Variants in MRPL38 observed in about 807,000 individuals in gnomAD.
MRPL38 encodes mitochondrial ribosomal protein L38.
In MRPL38, 51 loss-of-function variants were observed where a neutral mutation model predicts 52.1. That is an observed-to-expected ratio of 0.98 (90% CI 0.78 to 1.24). The LOEUF is 1.24. Ranked by LOEUF, MRPL38 falls within the 50% of genes most tolerant of loss-of-function variation. The pLI is 0.00. For missense variants in MRPL38, 527 were observed against 518.6 expected, an observed-to-expected ratio of 1.02 and a Z score of -0.16; for synonymous variants, 245 against 212.7, an observed-to-expected ratio of 1.15 and a Z score of -1.32.
At position 75,904,563 on chromosome 17, in the gene MRPL38, C is replaced by A; in HGVS notation, c.224G>T (p.Arg75Leu). 2 of 1,571,462 alleles carry A rather than the reference C, an allele frequency of 1.3e-6. No homozygotes were observed. The highest frequency in any genetic ancestry group is 1.4e-5 in the African/African-American group (1 of 73,296). ...AQAPHWWRTYREYFGEKTDPK... is the reference protein window; with the variant it reads ...AQAPHWWRTYLEYFGEKTDPK... ...ACCTGTCTTCTCCCCGAAATACTCT[C>A]GGTAGGTCCGCCACCAGTGCGGGGC... Residue 75 changes from arginine (R) to leucine (L), a missense_variant, in exon 2 of 9, where the codon CGA (arginine) becomes CTA (leucine). Coordinates refer to ENST00000309352, the MANE Select transcript of MRPL38 (RefSeq NM_032478.4).
In MRPL38 at chr17:75,898,913, C is replaced by T; in HGVS notation, c.1080G>A (p.Arg360=). The part of the protein sequence containing the change: ...YHPKQKRFPH[R]QPLRYLDRYR... ...ACCGGTCCAGGTAGCGCAGGGGCTG[C>T]CGGTGGGGGAAGCGCTTCTGCTTGG... Residue 360 remains arginine (R), a synonymous_variant, in exon 9 of 9, where the codon CGG becomes CGA. Coordinates refer to ENST00000309352, the MANE Select transcript of MRPL38 (RefSeq NM_032478.4). 1.2e-5 allele frequency: 19 copies of T among 1,610,984 alleles called. No individual in the cohort carries two copies. The highest frequency in any genetic ancestry group is 1.5e-5 in the Non-Finnish European group (18 of 1,179,220).
At chr17:75,904,451 G>GC (rs1184815491) in intron 2 of MRPL38, 89 bp downstream of exon 2, 10 of 1,372,904 alleles carry the variant, frequency 7.3e-6, no homozygotes, top group Non-Finnish European at 4.9e-6. Context: ...AAGGGCGCCG[G>GC]CAAGGCTCGC....
intron 6 of MRPL38, 127 bp from the exon 7 acceptor site, chr17:75,899,801 G>A (rs1234716338): frequency 3.7e-6 from 3 of 802,028 alleles, no homozygotes; most frequent in Non-Finnish European, 5.2e-6. Flanking sequence ...TCTCTCTCCT[G>A]GGACAGAGGA....
At chr17:75,899,036 C>A in intron 8 of MRPL38, 50 bp from the exon 9 acceptor site, 1 of 1,544,054 alleles carries the variant, frequency 6.5e-7, no homozygotes. Flanking sequence ...TGCGCCCCCT[C>A]AGGCTGAGGC....
chr17:75,899,097 GCA>G (rs1220240709), intron 8 of MRPL38, 59 bp downstream of exon 8: 73 of 1,550,062 alleles, frequency 4.7e-5, no homozygotes, highest in Non-Finnish European at 6.2e-5. Flanking sequence ...CTTCTCCCTG[GCA>G]GGGCAGGCGA....
chr17:75,900,047 T>C (rs1329874886), intron 6 of MRPL38: 3 of 162,270 alleles, frequency 1.8e-5, no homozygotes, highest in Non-Finnish European at 2.7e-5. Flanking sequence ...TCAGGGAGTG[T>C]GTGCCCAGCC....
rs1162659182 is a variant in MRPL38 at position 75,901,157 on chromosome 17, G to A, written c.664+44C>T. On this transcript the variant is annotated intron_variant, in intron 5 of 8. Coordinates refer to ENST00000309352, the MANE Select transcript of MRPL38 (RefSeq NM_032478.4). The surrounding 1 kb of genome is among the most constrained non-coding windows in gnomAD (Gnocchi z 5.7). ...CAGCCCCCCAGGGCCCTGGCTCATA[G>A]GAGGTGAGCGGGGCAGGAGGCCTGG... 6.2e-5 allele frequency: 99 copies of A among 1,608,904 alleles called. No homozygotes were observed. The highest frequency in any genetic ancestry group is 8.0e-5 in the Non-Finnish European group (94 of 1,177,494).
rs1028669561 is a variant in MRPL38, at chr17:75,902,365, A to G, written c.248-211T>C. 17 of 593,088 alleles carry G rather than the reference A, an allele frequency of 2.9e-5. No individual in the cohort carries two copies. The East Asian group carries it at 4.6e-4, about 16-fold the overall frequency. 36.7% of individuals were successfully genotyped at this position (593,088 alleles called of 1,614,324 possible). A position where few individuals can be genotyped will look rare whatever the true frequency, so the allele number is the denominator to read the frequency against. ...TGATCTGCCTGCCTCAGCCTCCCACAGTGTTGGGATTACAGTAGTGTGAGC... is the reference window on the plus strand; with the variant it reads ...TGATCTGCCTGCCTCAGCCTCCCACGGTGTTGGGATTACAGTAGTGTGAGC... On this transcript the variant is annotated intron_variant, in intron 2 of 8. Coordinates refer to ENST00000309352, the MANE Select transcript of MRPL38 (RefSeq NM_032478.4).
At chr17:75,900,556 T>TA (rs954247853) in intron 6 of MRPL38, 2 of 168,230 alleles carry the variant, frequency 1.2e-5, no homozygotes, top group African/African-American at 2.4e-5. Context: ...CCTGTCTCTA[T>TA]AAAAAAATAC....
chr17:75,898,688 T>G lies in MRPL38; in HGVS notation c.*162A>C. On this transcript the variant is annotated 3_prime_UTR_variant, in exon 9 of 9. Transcript: ENST00000309352. ...TATTCACATTCCCCACCCCACCACC[T>G]GAGAGTCACTTTCACTCCAAGCCCT... 3 of 757,624 alleles carry G rather than the reference T, an allele frequency of 4.0e-6. No homozygotes were observed. Among genetic ancestry groups the G allele is most frequent in the South Asian group, 1.8e-5 (1 of 54,940 alleles). 46.9% of individuals were successfully genotyped at this position (757,624 alleles called of 1,614,324 possible). A position where few individuals can be genotyped will look rare whatever the true frequency, so the allele number is the denominator to read the frequency against.
At chr17:75,900,794 G>A in intron 6 of MRPL38, 188 bp downstream of exon 6, 1 of 1,393,866 alleles carries the variant, frequency 7.2e-7, no homozygotes, top group Non-Finnish European at 9.3e-7. Context: ...TGCAAACTTT[G>A]TCTCCTGTAG....
Position 75,898,999 on chromosome 17 carries a change from T to G in MRPL38, c.1007-13A>C, listed in dbSNP as rs2065391215. The G allele has an allele frequency of 6.3e-7, 1 of 1,586,440 alleles. No homozygotes were observed. The highest frequency in any genetic ancestry group is 2.3e-5 in the East Asian group (1 of 44,316). ...GGCTCCCGCATGTCTGCAAGAAGAG[T>G]GAGGGGTACGGGGTGGTCTGCTGGC... is the stretch of plus-strand genomic sequence containing the variant. On this transcript the variant is annotated splice_polypyrimidine_tract_variant and intron_variant, in intron 8 of 8. Coordinates refer to ENST00000309352, the MANE Select transcript of MRPL38 (RefSeq NM_032478.4).
intron 2 of MRPL38, chr17:75,904,176 T>C: frequency 2.0e-6 from 1 of 490,670 alleles, no homozygotes; most frequent in Non-Finnish European, 4.1e-6. Context: ...GCTTACAATC[T>C]GGGGAGAGGC....
chr17:75,903,787 G>A (rs1412946154), intron 2 of MRPL38, among the ~76,000 whole-genome samples: 2 of 151,278 alleles, frequency 1.3e-5, no homozygotes, highest in Non-Finnish European at 2.9e-5. Flanking sequence ...GTGCAATGGC[G>A]CGATCTCGGC....
chr17:75,899,860 G>C (rs528812451), intron 6 of MRPL38, 186 bp from the exon 7 acceptor site: 25 of 427,010 alleles, frequency 5.9e-5, no homozygotes, highest in African/African-American at 4.3e-4. Flanking sequence ...TACGGGAAGC[G>C]GGCTGGAGGA....
At chr17:75,899,959 G>A (rs1189167104) in intron 6 of MRPL38, 5 of 253,342 alleles carry the variant, frequency 2.0e-5, no homozygotes, top group East Asian at 1.5e-4. Flanking sequence ...CGGTGGGTCC[G>A]CCACAGTCAC....
Position 75,901,715 on chromosome 17 carries a change from G to T in MRPL38, c.588C>A (p.Thr196=), listed in dbSNP as rs778507758. The T allele has an allele frequency of 1.2e-6, 2 of 1,613,688 alleles. No homozygotes were observed. Among genetic ancestry groups the T allele is most frequent in the South Asian group, 1.1e-5 (1 of 91,054 alleles). The change falls in exon 4 of 9, where the codon ACC becomes ACA. Residue 196 remains threonine (T), a synonymous_variant. Transcript: ENST00000309352. This position sits in a 1 kb window ranked among gnomAD's most constrained non-coding sequence, Gnocchi z 5.7. ...PVYCGNEVTP[T]EAAQAPEVTY... is the part of the protein sequence containing the mutation. ...AGGGGCACAAGTGAGTGGTTACCTC[G>T]GTTGGAGTCACCTCATTGCCACAGT...
intron 7 of MRPL38, 109 bp downstream of exon 7, chr17:75,899,407 C>G (rs2065393556): frequency 6.6e-7 from 1 of 1,505,932 alleles, no homozygotes; most frequent in South Asian, 1.3e-5. Context: ...AGCACCCTAT[C>G]CTGCTCTTCT....
rs1185092092 is a variant in MRPL38, at chr17:75,901,201, C to T, written c.664G>A (p.Asp222Asn). The part of the protein sequence containing the change: ...SLWTLLLTSL[D>N]GHLLEPDAEY... ...GGCCTGGTGAGCCCCAGACACCCACCCAAGCTAGTGAGTAGCAACGTCCAC... is the reference window on the plus strand; with the variant it reads ...GGCCTGGTGAGCCCCAGACACCCACTCAAGCTAGTGAGTAGCAACGTCCAC... The change falls in exon 5 of 9, where the codon GAT becomes AAT. Residue 222 changes from aspartate to asparagine, a missense_variant and splice_region_variant. By Grantham distance (23) the Asp-to-Asn change is conservative. Coordinates refer to ENST00000309352, the MANE Select transcript of MRPL38 (RefSeq NM_032478.4). This position sits in a 1 kb window ranked among gnomAD's most constrained non-coding sequence, Gnocchi z 5.7. 3 of 1,613,482 alleles carry T rather than the reference C, an allele frequency of 1.9e-6. No individual in the cohort carries two copies. The South Asian group carries it at 3.3e-5, about 18-fold the overall frequency.
Sources: allele counts gnomAD v4.1 joint callset (sites outside exome capture counted in the v4.1 genomes callset), GRCh38; gene constraint gnomAD v4.1.1; non-coding constraint Gnocchi (gnomAD v3.1); transcripts MANE v1.5; gene names NCBI Gene and HGNC (gene_info 2026-07-23, HGNC 2026-07-21).